BBS7: variants seen among roughly 807,000 people sequenced by gnomAD.
BBS7 encodes the protein BBSome complex member BBS7.
A neutral mutation model predicts 90.3 loss-of-function variants in BBS7; 50 were observed. The ratio of observed to expected loss-of-function variants is 0.55; its 90% CI spans 0.44 to 0.70. The LOEUF is 0.70. Ranked by LOEUF, BBS7 falls within the 30% of genes least tolerant of loss-of-function variation. The pLI is 0.00. For synonymous variants in BBS7, 235 were observed against 287.4 expected, an observed-to-expected ratio of 0.82 and a Z score of 1.85; for missense variants, 729 against 838.9, an observed-to-expected ratio of 0.87 and a Z score of 1.62.
chr4:121,849,807 C>T (rs769499392), intron 8 of BBS7, among the ~76,000 whole-genome samples: 24 of 151,858 alleles, frequency 1.6e-4, no homozygotes, highest in Non-Finnish European at 2.8e-4. Flanking sequence ...TCCAGTCTGG[C>T]GACAGAGCGA....
chr4:121,863,838 T>C (rs2149089881), intron 2 of BBS7, among the ~76,000 whole-genome samples: 1 of 152,300 alleles, frequency 6.6e-6, no homozygotes, highest in East Asian at 1.9e-4. Flanking sequence ...ATTACCAACA[T>C]GTAGACAATG....
intron 8 of BBS7, among the ~76,000 whole-genome samples, chr4:121,849,967 T>C (rs982186797): frequency 6.6e-6 from 1 of 152,218 alleles, no homozygotes; most frequent in African/African-American, 2.4e-5. Context: ...TATGGTAACC[T>C]ATATGGAATC....
chr4:121,830,112 A>G (rs1389441086), intron 15 of BBS7, among the ~76,000 whole-genome samples: 1 of 152,202 alleles, frequency 6.6e-6, no homozygotes, highest in African/African-American at 2.4e-5. Context: ...GCAAATGATA[A>G]TTGCTTTGGT....
chr4:121,845,762 AC>A (rs1213195507), intron 10 of BBS7, 66 bp from the exon 11 acceptor site: 1 of 1,449,076 alleles, frequency 6.9e-7, no homozygotes, highest in Non-Finnish European at 9.6e-7. Flanking sequence ...TAGGATGTTT[AC>A]AAAAATTTGA....
chr4:121,848,296 G>A (rs1726124555), intron 9 of BBS7, among the ~76,000 whole-genome samples: 1 of 152,126 alleles, frequency 6.6e-6, no homozygotes, highest in African/African-American at 2.4e-5. Context: ...TAAGTCCTAA[G>A]TTTTAAATTG....
In BBS7 at chr4:121,845,738, A is replaced by G. The variant is rs764647005; in HGVS notation, c.1038-42T>C. The G allele has an allele frequency of 2.0e-6, 3 of 1,536,598 alleles. No homozygotes were observed. In the East Asian group the frequency reaches 6.8e-5, roughly 35 times the overall value. The stretch of plus-strand genomic sequence containing the variant: ...ACAAATTTGTCAAATATAAGTATAA[A>G]CATTTGAGGTCGTTAGGATGTTTAC... On this transcript the variant is annotated intron_variant, in intron 10 of 18. Transcript: ENST00000264499.
At chr4:121,860,862 G>T (rs1182335423) in intron 4 of BBS7, among the ~76,000 whole-genome samples, 2 of 152,074 alleles carry the variant, frequency 1.3e-5, no homozygotes, top group African/African-American at 4.8e-5. Flanking sequence ...TTCAAAGGAA[G>T]AACTTAAAAA....
intron 15 of BBS7, among the ~76,000 whole-genome samples, chr4:121,830,956 C>A (rs1424265642): frequency 6.6e-6 from 1 of 152,164 alleles, no homozygotes; most frequent in Non-Finnish European, 1.5e-5. Flanking sequence ...GCCTGTAATA[C>A]CAGTACTTTG....
rs572718618 is a variant in BBS7, at chr4:121,861,631, C to G, written c.214G>C (p.Gly72Arg). ...PGPKIARLEL[G>R]GVINTPQEKI... ...TCCTGAGGTGTGTTGATAACCCCTC[C>G]CAGTTCCAGCCTTGCAATCTTCGGC... The change falls in exon 4 of 19, where the codon GGA (glycine) becomes CGA (arginine). Residue 72 changes from glycine (G) to arginine (R), a missense_variant. Transcript: ENST00000264499. 1 of 1,613,504 alleles carries G rather than the reference C, an allele frequency of 6.2e-7. No homozygotes were observed. The highest frequency in any genetic ancestry group is 8.5e-7 in the Non-Finnish European group (1 of 1,179,684).
At chr4:121,867,894 AG>A (rs550583158) in intron 2 of BBS7, 86 bp downstream of exon 2, 1 of 1,149,122 alleles carries the variant, frequency 8.7e-7, no homozygotes, top group Non-Finnish European at 1.3e-6. Flanking sequence ...CATTTTTAAG[AG>A]AATAACTTAA....
In BBS7 at chr4:121,828,246, A is replaced by G. The variant is rs533083489; in HGVS notation, c.1914T>C (p.Asn638=). 1 of 1,613,674 alleles carries G rather than the reference A, an allele frequency of 6.2e-7. No individual in the cohort carries two copies. Among genetic ancestry groups the G allele is most frequent in the South Asian group, 1.1e-5 (1 of 91,062 alleles). The stretch of plus-strand genomic sequence containing the variant: ...GATATTCTGGTATCAGAAAGTTCGT[A>G]TTTCCCTCATGAATCTGTAATTCCT... ...ALKELQIHEG[N]TNFLIPEYHC... is the part of the protein sequence containing the mutation. The change falls in exon 18 of 19, where the codon AAT becomes AAC. Residue 638 remains asparagine (N), a synonymous_variant. Coordinates refer to ENST00000264499, the MANE Select transcript of BBS7 (RefSeq NM_176824.3).
chr4:121,865,488 C>T (rs897338312), intron 2 of BBS7, among the ~76,000 whole-genome samples: 1 of 152,222 alleles, frequency 6.6e-6, no homozygotes, highest in African/African-American at 2.4e-5. Context: ...ATCCGCCCGC[C>T]TCAGCCTCCC....
intron 2 of BBS7, among the ~76,000 whole-genome samples, chr4:121,865,110 T>A (rs369981428): frequency 1.4e-4 from 22 of 152,286 alleles, no homozygotes; most frequent in African/African-American, 5.3e-4. Flanking sequence ...CGTGACCAAC[T>A]TTTTTTAGCT....
intron 9 of BBS7, 94 bp from the exon 10 acceptor site, chr4:121,847,600 C>T (rs1333520240): frequency 5.8e-6 from 5 of 867,006 alleles, no homozygotes; most frequent in Non-Finnish European, 9.8e-6. Context: ...AATGTACATG[C>T]CCCTTTGTCC....
chr4:121,861,460 TATAA>T, intron 4 of BBS7, 40 bp downstream of exon 4: 1 of 1,570,224 alleles, frequency 6.4e-7, no homozygotes, highest in Non-Finnish European at 8.7e-7. Context: ...TCCAAAATAT[TATAA>T]ATAAGTATGT....
Position 121,828,148 on chromosome 4 carries a change from TAG to T in BBS7, c.2010_2011del (p.Tyr671TrpfsTer5), listed in dbSNP as rs779336319. 1.7e-5 allele frequency: 28 copies of T among 1,613,736 alleles called. No individual in the cohort carries two copies. The highest frequency in any genetic ancestry group is 2.4e-5 in the Non-Finnish European group (28 of 1,179,866). ...GTATTCTAGAATGGTCCACTAACCA[TAG>T]AGTCTTTCAAGATGTGCAGGTTGCT... On this transcript the variant is annotated frameshift_variant, in exon 18 of 19. Transcript: ENST00000264499. LOFTEE classifies it high-confidence loss of function.
intron 12 of BBS7, among the ~76,000 whole-genome samples, chr4:121,842,382 C>G (rs539163692): frequency 7.2e-5 from 11 of 151,956 alleles, no homozygotes; most frequent in Admixed American, 2.6e-4. Flanking sequence ...TGCTTATAAT[C>G]CCAGCACTTT....
At chr4:121,862,749 G>A (rs950192847) in intron 3 of BBS7, among the ~76,000 whole-genome samples, 4 of 152,194 alleles carry the variant, frequency 2.6e-5, no homozygotes, top group Admixed American at 1.3e-4. Flanking sequence ...GGAATTGAGA[G>A]CAGCCCCTGG....
intron 2 of BBS7, among the ~76,000 whole-genome samples, chr4:121,865,314 C>T (rs1727203536): frequency 6.6e-6 from 1 of 151,412 alleles, no homozygotes; most frequent in Admixed American, 6.6e-5. Context: ...TCTCAGCTCA[C>T]TGCAACCTCT....
Sources: allele counts gnomAD v4.1 joint callset (sites outside exome capture counted in the v4.1 genomes callset), GRCh38; gene constraint gnomAD v4.1.1; transcripts MANE v1.5; gene names NCBI Gene and HGNC (gene_info 2026-07-23, HGNC 2026-07-21).